Variants in FLNB observed in about 807,000 individuals in gnomAD.
The protein encoded by FLNB is filamin-B.
Under a neutral mutation model 250.6 loss-of-function variants are expected in FLNB, and 111 were observed. That is an observed-to-expected ratio of 0.44 (90% CI 0.38 to 0.52). FLNB has a LOEUF of 0.52. Ranked by LOEUF, FLNB falls within the 20% of genes least tolerant of loss-of-function variation. The pLI is 0.00. For synonymous variants in FLNB, 1,302 were observed against 1,372.1 expected (o/e 0.95, Z 1.13); for missense variants, 2,869 against 3,447.8 (o/e 0.83, Z 4.20).
chr3:58,160,570 T>G (rs1167196808), intron 42 of FLNB, among the ~76,000 whole-genome samples: 3 of 152,158 alleles, frequency 2.0e-5, no homozygotes, highest in Admixed American at 2.0e-4. Flanking sequence ...TCTGCCTCGG[T>G]GAGTTCAGGA....
At chr3:58,061,251 AG>A (rs1288212040) in intron 1 of FLNB, among the ~76,000 whole-genome samples, 2 of 152,224 alleles carry the variant, frequency 1.3e-5, no homozygotes, top group Non-Finnish European at 2.9e-5. Flanking sequence ...TTACTTCTGT[AG>A]TACCCTGTAC....
rs80242857 is a variant in FLNB at position 58,093,807 on chromosome 3, T to A, written c.788-1029T>A. ...CAGCAATAAAAAGGAAAAAAACCAT[T>A]GACAGAAGCAACAACCTGGGTGAAC... On this transcript the variant is annotated intron_variant, in intron 4 of 45. Coordinates refer to ENST00000295956, the MANE Select transcript of FLNB (RefSeq NM_001457.4). Among the ~76,000 whole-genome samples, 411 of 152,144 alleles carry A rather than the reference T, an allele frequency of 2.7e-3. 1 individual carries two copies. The highest frequency in any genetic ancestry group is 4.8e-3 in the Non-Finnish European group (327 of 68,012).
At chr3:58,054,544 A>G (rs2097167381) in intron 1 of FLNB, among the ~76,000 whole-genome samples, 1 of 152,150 alleles carries the variant, frequency 6.6e-6, no homozygotes, top group Non-Finnish European at 1.5e-5. Context: ...GGGGAAGCAA[A>G]CATGTCCTTC....
In FLNB at chr3:58,148,265, A is replaced by G. The variant is rs750235616; in HGVS notation, c.5788A>G (p.Ile1930Val). Residue 1930 changes from isoleucine to valine, a missense_variant, in exon 35 of 46, where the codon ATC (isoleucine) becomes GTC (valine). By Grantham distance (29) the Ile-to-Val change is conservative. Coordinates refer to ENST00000295956, the MANE Select transcript of FLNB (RefSeq NM_001457.4). ...LGSAADFLLD[I>V]SETDLSSLTA... The stretch of plus-strand genomic sequence containing the variant: ...CTCAGCCGCTGACTTCCTGCTCGAC[A>G]TCAGTGAGACTGACCTCAGCAGCCT... 1.9e-6 allele frequency: 3 copies of G among 1,614,178 alleles called. No individual in the cohort carries two copies. Among genetic ancestry groups the G allele is most frequent in the Non-Finnish European group, 1.7e-6 (2 of 1,180,022 alleles).
chr3:58,101,735 T>A (rs1182844551), intron 8 of FLNB, among the ~76,000 whole-genome samples: 1 of 152,212 alleles, frequency 6.6e-6, no homozygotes, highest in Non-Finnish European at 1.5e-5. Context: ...GACAACAACA[T>A]TTAGACACTT....
At chr3:58,132,953 A>G in intron 26 of FLNB, 22 bp downstream of exon 26, 1 of 1,605,022 alleles carries the variant, frequency 6.2e-7, no homozygotes, top group South Asian at 1.1e-5. Context: ...CCATCTGCCC[A>G]TCCATTCCTC....
chr3:58,148,941 C>G, intron 36 of FLNB, 89 bp downstream of exon 36: 15 of 1,164,306 alleles, frequency 1.3e-5, no homozygotes, highest in Non-Finnish European at 1.4e-5. Context: ...CTACCAACTC[C>G]TTTTCCTTTC....
rs772199751 is a variant in FLNB at position 58,149,962 on chromosome 3, T to C, written c.6204T>C (p.Val2068=). The C allele has an allele frequency of 6.2e-7, 1 of 1,614,248 alleles. No individual in the cohort carries two copies. ...KVSYFPTVPG[V]YIVSTKFADE... is the part of the protein sequence containing the mutation. ...CCTACTTCCCTACCGTGCCTGGGGTTTATATCGTCTCCACCAAATTCGCTG... is the reference window on the plus strand; with the variant it reads ...CCTACTTCCCTACCGTGCCTGGGGTCTATATCGTCTCCACCAAATTCGCTG... The change falls in exon 37 of 46, where the codon GTT becomes GTC. Residue 2068 remains valine, a synonymous_variant. Transcript: ENST00000295956.
At chr3:58,093,234 TAGAGGCGTTTTGAACAC>T (rs1309208861) in intron 4 of FLNB, among the ~76,000 whole-genome samples, 1 of 152,168 alleles carries the variant, frequency 6.6e-6, no homozygotes, top group Non-Finnish European at 1.5e-5. Context: ...GGGCAAAGTT[TAGAGGCGTTTTGAACAC>T]AGGAGCGTCT....
intron 1 of FLNB, among the ~76,000 whole-genome samples, chr3:58,022,744 T>C (rs2097115840): frequency 6.6e-6 from 1 of 152,164 alleles, no homozygotes. Context: ...CTCAGATTCT[T>C]GTCTGAGATT....
At chr3:58,071,825 C>T (rs537071313) in intron 1 of FLNB, among the ~76,000 whole-genome samples, 2 of 152,156 alleles carry the variant, frequency 1.3e-5, no homozygotes, top group Non-Finnish European at 2.9e-5. Flanking sequence ...TAGGCATACA[C>T]GTGGTTGCGT....
At chr3:58,051,526 A>C (rs995460390) in intron 1 of FLNB, among the ~76,000 whole-genome samples, 4 of 151,956 alleles carry the variant, frequency 2.6e-5, no homozygotes, top group Non-Finnish European at 4.4e-5. Context: ...CGTCGTCTTG[A>C]GTAGTGATTT....
chr3:58,084,811 C>T (rs1221909810), intron 4 of FLNB, among the ~76,000 whole-genome samples: 1 of 152,102 alleles, frequency 6.6e-6, no homozygotes, highest in African/African-American at 2.4e-5. Flanking sequence ...CTCCCTGTCT[C>T]TATGAATTTG....
rs1576728325 is a variant in FLNB at position 58,106,612 on chromosome 3, C to G, written c.1748-68C>G. The G allele has an allele frequency of 4.2e-6, 6 of 1,440,648 alleles. No individual in the cohort carries two copies. In the East Asian group the frequency reaches 1.4e-4, roughly 33 times the overall value. 89.2% of individuals were successfully genotyped at this position (1,440,648 alleles called of 1,614,324 possible). The stretch of plus-strand genomic sequence containing the variant: ...CTTTTAGGGAGGCAGCGGGAATGAG[C>G]TGTCGTAACATAGAATAGGTGCTTT... On this transcript the variant is annotated intron_variant, in intron 11 of 45. Coordinates refer to ENST00000295956, the MANE Select transcript of FLNB (RefSeq NM_001457.4).
At chr3:58,024,123 A>G (rs1190513239) in intron 1 of FLNB, among the ~76,000 whole-genome samples, 1 of 152,124 alleles carries the variant, frequency 6.6e-6, no homozygotes, top group Non-Finnish European at 1.5e-5. Flanking sequence ...CACCAGGCCC[A>G]TGAAGCCATC....
Position 58,125,812 on chromosome 3 carries a change from G to A in FLNB, c.4061+69G>A, listed in dbSNP as rs1246534521. 4.8e-6 allele frequency: 7 copies of A among 1,449,070 alleles called. No homozygotes were observed. The Admixed American group carries it at 1.0e-4, about 21-fold the overall frequency. The allele number at this position is 1,449,070 out of a possible 1,614,324, so 89.8% of individuals were successfully genotyped here. The stretch of plus-strand genomic sequence containing the variant: ...GGCTAGATTCTACCTATGTGTCATG[G>A]TTTCCTAACTTTTGATAAGATGAAT... On this transcript the variant is annotated intron_variant, in intron 23 of 45. Transcript: ENST00000295956.
intron 1 of FLNB, among the ~76,000 whole-genome samples, chr3:58,043,141 C>CTTTTTTTT (rs58727890): frequency 2.9e-5 from 3 of 102,004 alleles, no homozygotes; most frequent in African/African-American, 4.3e-5. Context: ...TTTGGCATTC[C>CTTTTTTTT]TTTTTTTTTT....
At chr3:58,058,965 T>G (rs2097174264) in intron 1 of FLNB, among the ~76,000 whole-genome samples, 1 of 152,238 alleles carries the variant, frequency 6.6e-6, no homozygotes, top group African/African-American at 2.4e-5. Flanking sequence ...TTAGTCTCTT[T>G]GGAGATAAAA....
At chr3:58,131,606 G>A (rs1479652496) in intron 25 of FLNB, among the ~76,000 whole-genome samples, 1 of 152,168 alleles carries the variant, frequency 6.6e-6, no homozygotes, top group South Asian at 2.1e-4. Flanking sequence ...GATTTTCCTC[G>A]CCAATGATAT....
Sources: allele counts gnomAD v4.1 joint callset (sites outside exome capture counted in the v4.1 genomes callset), GRCh38; gene constraint gnomAD v4.1.1; transcripts MANE v1.5; gene names NCBI Gene and HGNC (gene_info 2026-07-23, HGNC 2026-07-21).